Variants in SOX6 observed in about 807,000 individuals in gnomAD.
SOX6 encodes SRY-box transcription factor 6.
Under a neutral mutation model 97.8 loss-of-function variants are expected in SOX6, and 11 were observed. That is an observed-to-expected ratio of 0.11 (90% CI 0.07 to 0.19). SOX6 has a LOEUF of 0.19. Among genes scored for constraint, SOX6 ranks in the 10% least tolerant of loss-of-function variants. SOX6 has a pLI of 1.00. For synonymous variants in SOX6, 360 were observed against 371.4 expected, an observed-to-expected ratio of 0.97 and a Z score of 0.35; for missense variants, 810 against 1,039.5, an observed-to-expected ratio of 0.78 and a Z score of 3.04.
At chr11:16,200,836 T>C (rs997685619) in intron 4 of SOX6, among the ~76,000 whole-genome samples, 37 of 152,172 alleles carry the variant, frequency 2.4e-4, no homozygotes, top group African/African-American at 8.4e-4. Flanking sequence ...CTGGGCGCGA[T>C]GGCTCCTGCC....
chr11:16,313,135 C>T (rs1158191805), intron 3 of SOX6: 2 of 152,182 alleles, frequency 1.3e-5, no homozygotes, highest in African/African-American at 4.8e-5. Context: ...CTGGTCAAAT[C>T]ACTGCTCAGG....
intron 1 of SOX6, among the ~76,000 whole-genome samples, chr11:16,363,032 G>A (rs1232604526): frequency 2.0e-5 from 3 of 152,146 alleles, no homozygotes; most frequent in Non-Finnish European, 4.4e-5. Context: ...ATACATATAT[G>A]TATATGCTTG....
chr11:16,485,730 CAA>C (rs1372189298), intron 4 of SOX6, among the ~76,000 whole-genome samples: 3 of 101,964 alleles, frequency 2.9e-5, no homozygotes, highest in Non-Finnish European at 4.1e-5. Context: ...GGCTCGGTCT[CAA>C]AAAAAAAAAA....
At chr11:16,494,884 G>A (rs903916888) in intron 4 of SOX6, among the ~76,000 whole-genome samples, 2 of 152,150 alleles carry the variant, frequency 1.3e-5, no homozygotes, top group African/African-American at 4.8e-5. Flanking sequence ...AGGAGACCAC[G>A]TAACAATATT....
chr11:16,325,821 G>A (rs1319943848), intron 2 of SOX6, among the ~76,000 whole-genome samples: 1 of 152,134 alleles, frequency 6.6e-6, no homozygotes, highest in Non-Finnish European at 1.5e-5. Flanking sequence ...TATGAGAACA[G>A]AGCCCTCATG....
chr11:15,971,398 C>A lies in SOX6; in HGVS notation c.*1411G>T, dbSNP rs534337183. The A allele has an allele frequency of 6.6e-6, 1 of 152,636 alleles. No homozygotes were observed. The highest frequency in any genetic ancestry group is 2.4e-5 in the African/African-American group (1 of 41,432). The allele number at this position is 152,636 out of a possible 1,614,324, so 9.5% of individuals were successfully genotyped here. On this transcript the variant is annotated 3_prime_UTR_variant, in exon 16 of 16. Coordinates refer to ENST00000683767, the MANE Select transcript of SOX6 (RefSeq NM_001367873.1). ...TTCACTGAGATTCCTGCATGGCCCA[C>A]GAGCCTTGGGCTTCAGGTTTGGCCG...
In SOX6 at chr11:16,585,018, C is replaced by G. The variant is rs571245032; in HGVS notation, n.609+27063G>C. On this transcript the variant is annotated intron_variant and non_coding_transcript_variant, in intron 4 of 5. Transcript: ENST00000524520. ...ACTCTGTGCCCAAATCAACTAGTCT[C>G]CACAAATTATGAAACTCAAAAATGA... Among the ~76,000 whole-genome samples the G allele has an allele frequency of 2.6e-5, 4 of 152,296 alleles. No individual in the cohort carries two copies. The South Asian group carries it at 8.3e-4, about 32-fold the overall frequency.
At chr11:16,216,112 T>C (rs1852364841) in intron 4 of SOX6, among the ~76,000 whole-genome samples, 2 of 152,196 alleles carry the variant, frequency 1.3e-5, no homozygotes, top group South Asian at 2.1e-4. Context: ...ATGATGCCCA[T>C]CTCATGGCAC....
chr11:16,456,913 T>C (rs1012210671), intron 1 of SOX6, among the ~76,000 whole-genome samples: 2 of 152,128 alleles, frequency 1.3e-5, no homozygotes, highest in African/African-American at 4.8e-5. Context: ...AGTAGTCTTT[T>C]ATAAACTGGG....
Position 16,610,416 on chromosome 11 carries a change from C to G in SOX6, n.609+1665G>C, listed in dbSNP as rs1848382523. ...CCGTCTCTTTAAATCACAGAGCAAT[C>G]GGGGTTCTGGTGGGCAAGACTGACC... On this transcript the variant is annotated intron_variant and non_coding_transcript_variant, in intron 4 of 5. Transcript: ENST00000524520. This position sits in a 1 kb window ranked among gnomAD's most constrained non-coding sequence, Gnocchi z 4.4. Among the ~76,000 whole-genome samples the G allele has an allele frequency of 6.6e-6, 1 of 152,124 alleles. No individual in the cohort carries two copies. Among genetic ancestry groups the G allele is most frequent in the South Asian group, 2.1e-4 (1 of 4,836 alleles).
At chr11:16,501,860 G>T (rs1260536204) in intron 4 of SOX6, among the ~76,000 whole-genome samples, 1 of 152,188 alleles carries the variant, frequency 6.6e-6, no homozygotes, top group African/African-American at 2.4e-5. Context: ...TTACACTGTT[G>T]GTGGGACTGT....
At chr11:16,625,650 G>T (rs1381324107) in intron 3 of SOX6, among the ~76,000 whole-genome samples, 1 of 152,130 alleles carries the variant, frequency 6.6e-6, no homozygotes, top group Non-Finnish European at 1.5e-5. Context: ...CCTTCCTCTG[G>T]GGAAGGAATG....
At chr11:16,124,287 G>A (rs1175160893) in intron 6 of SOX6, among the ~76,000 whole-genome samples, 1 of 152,174 alleles carries the variant, frequency 6.6e-6, no homozygotes, top group East Asian at 1.9e-4. Flanking sequence ...TCTAAGAGAA[G>A]ACAGACAACA....
chr11:16,560,199 C>T (rs1324853574), intron 4 of SOX6, among the ~76,000 whole-genome samples: 1 of 152,118 alleles, frequency 6.6e-6, no homozygotes, highest in Admixed American at 6.6e-5. Flanking sequence ...CTGTTAACCC[C>T]AGTTAAAATT....
chr11:16,520,982 C>G (rs563407803), intron 4 of SOX6, among the ~76,000 whole-genome samples: 1 of 152,200 alleles, frequency 6.6e-6, no homozygotes, highest in South Asian at 2.1e-4. Context: ...CCGGGAAGCT[C>G]GAACTGGGTG....
At chr11:16,273,763 CTACACTCCT>C (rs1317556322) in intron 3 of SOX6, among the ~76,000 whole-genome samples, 1 of 151,982 alleles carries the variant, frequency 6.6e-6, no homozygotes. Flanking sequence ...TTTGGGAATA[CTACACTCCT>C]AAGCCCTTAG....
At chr11:16,228,741 G>A (rs1852758786) in intron 4 of SOX6, among the ~76,000 whole-genome samples, 2 of 152,084 alleles carry the variant, frequency 1.3e-5, no homozygotes, top group African/African-American at 4.8e-5. Context: ...TCATTTCACT[G>A]TATGTATGTA....
intron 1 of SOX6, among the ~76,000 whole-genome samples, chr11:16,466,746 C>T (rs188449836): frequency 0.013 from 1,992 of 150,018 alleles, 20 homozygotes; most frequent in Non-Finnish European, 0.019. Flanking sequence ...CCGGCTAAAA[C>T]GGTGAAACCC....
chr11:16,426,689 C>T (rs576341765), intron 1 of SOX6, among the ~76,000 whole-genome samples: 53 of 151,630 alleles, frequency 3.5e-4, no homozygotes, highest in African/African-American at 8.7e-4. Flanking sequence ...CCGAGGCGGG[C>T]GGATCACGAG....
Sources: gnomAD v4.1 joint callset for allele counts (sites outside exome capture counted in the v4.1 genomes callset) on GRCh38, gnomAD v4.1.1 for gene constraint, Gnocchi (gnomAD v3.1) non-coding constraint, MANE v1.5 for transcripts, NCBI Gene and HGNC (gene_info 2026-07-23, HGNC 2026-07-21) for gene names.